NOS1AP: variants seen among roughly 807,000 people sequenced by gnomAD.
The protein encoded by NOS1AP is nitric oxide synthase 1 adaptor protein.
In NOS1AP, 21 loss-of-function variants were observed where a neutral mutation model predicts 56.2. The observed-to-expected ratio is 0.37, with a 90% confidence interval of 0.26 to 0.54. NOS1AP has a LOEUF of 0.54. Among genes scored for constraint, NOS1AP ranks in the 20% least tolerant of loss-of-function variants. NOS1AP has a pLI of 0.84. For missense variants in NOS1AP, 522 were observed against 657.8 expected (o/e 0.79, Z 2.26); for synonymous variants, 270 against 274.6 (o/e 0.98, Z 0.17).
chr1:162,356,448 C>T (rs921972881), intron 7 of NOS1AP, among the ~76,000 whole-genome samples: 1 of 152,194 alleles, frequency 6.6e-6, no homozygotes, highest in African/African-American at 2.4e-5. Context: ...GTAGCCCCCT[C>T]ACATGGCCCC....
chr1:162,070,055 G>C lies in NOS1AP; in HGVS notation c.-123G>C. 1.4e-6 allele frequency: 1 copy of C among 715,590 alleles called. No individual in the cohort carries two copies. The highest frequency in any genetic ancestry group is 1.8e-5 in the South Asian group (1 of 55,606). 44.3% of individuals were successfully genotyped at this position (715,590 alleles called of 1,614,324 possible). On this transcript the variant is annotated 5_prime_UTR_variant, in exon 1 of 10. Coordinates refer to ENST00000361897, the MANE Select transcript of NOS1AP (RefSeq NM_014697.3). ...CCGCCGCGCGGCCAGGGCTCCCCCTGCCCAGCGCTCCCAGGCCCCGCCACG... is the reference window on the plus strand; with the variant it reads ...CCGCCGCGCGGCCAGGGCTCCCCCTCCCCAGCGCTCCCAGGCCCCGCCACG...
rs370737006 is a variant in NOS1AP, at chr1:162,103,312, G to T, written c.105+33030G>T. Among the ~76,000 whole-genome samples, 5 of 146,696 alleles carry T rather than the reference G, an allele frequency of 3.4e-5. No individual in the cohort carries two copies. The East Asian group carries it at 9.9e-4, about 29-fold the overall frequency. On this transcript the variant is annotated intron_variant, in intron 1 of 9. Coordinates refer to ENST00000361897, the MANE Select transcript of NOS1AP (RefSeq NM_014697.3). ...GGTATGAGAGACTGTTATTATTTCAGTTTTTTTTTTGCGTTTGCTGAGGAG... is the reference window on the plus strand; with the variant it reads ...GGTATGAGAGACTGTTATTATTTCATTTTTTTTTTTGCGTTTGCTGAGGAG...
At chr1:162,272,093 T>A (rs891080684) in intron 2 of NOS1AP, among the ~76,000 whole-genome samples, 1 of 151,974 alleles carries the variant, frequency 6.6e-6, no homozygotes, top group African/African-American at 2.4e-5. Flanking sequence ...CCTCAGGCAA[T>A]CCTCCACCTC....
chr1:162,190,078 T>C (rs1651570007), intron 2 of NOS1AP, among the ~76,000 whole-genome samples: 1 of 152,222 alleles, frequency 6.6e-6, no homozygotes, highest in Non-Finnish European at 1.5e-5. Flanking sequence ...AATCCAGGCC[T>C]GTGAATTGAT....
chr1:162,366,479 A>G (rs1000075212), intron 9 of NOS1AP, among the ~76,000 whole-genome samples: 2 of 152,174 alleles, frequency 1.3e-5, no homozygotes, highest in Non-Finnish European at 2.9e-5. Flanking sequence ...TGTTCCAACT[A>G]TACCAGTGGT....
chr1:162,124,153 G>A (rs1487086670), intron 1 of NOS1AP, among the ~76,000 whole-genome samples: 2 of 151,884 alleles, frequency 1.3e-5, no homozygotes, highest in Non-Finnish European at 2.9e-5. Context: ...GTAGCTTTAG[G>A]GGTACAAGTG....
At chr1:162,169,477 C>T (rs1341044634) in intron 2 of NOS1AP, among the ~76,000 whole-genome samples, 1 of 152,198 alleles carries the variant, frequency 6.6e-6, no homozygotes, top group African/African-American at 2.4e-5. Flanking sequence ...GAAATGCATT[C>T]CCATACACCC....
At chr1:162,079,655 C>T (rs1283013254) in intron 1 of NOS1AP, among the ~76,000 whole-genome samples, 6 of 152,142 alleles carry the variant, frequency 3.9e-5, no homozygotes, top group Admixed American at 3.9e-4. Flanking sequence ...TCAGTAGTAC[C>T]TGTAAATGGC....
At chr1:162,364,459 G>A (rs555070748) in intron 8 of NOS1AP, 1 of 985,414 alleles carries the variant, frequency 1.0e-6, no homozygotes, top group African/African-American at 1.7e-5. Flanking sequence ...TTCAAACCAG[G>A]GTCCTGGTCT....
rs1658140112 is a variant in NOS1AP, at chr1:162,367,541, T to C, written c.*74T>C. 3 of 1,463,536 alleles carry C rather than the reference T, an allele frequency of 2.0e-6. No individual in the cohort carries two copies. Among genetic ancestry groups the C allele is most frequent in the African/African-American group, 1.4e-5 (1 of 71,766 alleles). 90.7% of individuals were successfully genotyped at this position (1,463,536 alleles called of 1,614,324 possible). A position where few individuals can be genotyped will look rare whatever the true frequency, so the allele number is the denominator to read the frequency against. On this transcript the variant is annotated 3_prime_UTR_variant, in exon 10 of 10. Coordinates refer to ENST00000361897, the MANE Select transcript of NOS1AP (RefSeq NM_014697.3). The surrounding 1 kb of genome is among the most constrained non-coding windows in gnomAD (Gnocchi z 6.5). ...GTCTGGCTGCTGCCCGGGTAGGGGA[T>C]GCCCAGTGAATGTGCACTGCCGAGG...
At chr1:162,299,741 G>A (rs1655580290) in intron 3 of NOS1AP, among the ~76,000 whole-genome samples, 1 of 152,124 alleles carries the variant, frequency 6.6e-6, no homozygotes, top group Admixed American at 6.5e-5. Context: ...TCAAAATTCA[G>A]GGATTAAATG....
At chr1:162,168,555 C>T (rs2102124686) in intron 2 of NOS1AP, among the ~76,000 whole-genome samples, 1 of 152,320 alleles carries the variant, frequency 6.6e-6, no homozygotes, top group East Asian at 1.9e-4. Flanking sequence ...CAAGGGTTGC[C>T]TGCTCACTTG....
intron 1 of NOS1AP, among the ~76,000 whole-genome samples, chr1:162,093,577 C>T (rs190175932): frequency 2.2e-4 from 34 of 151,576 alleles, no homozygotes; most frequent in South Asian, 1.7e-3. Context: ...TTTTTTTTGC[C>T]GCTATCTCAC....
chr1:162,209,208 C>T (rs1341019158), intron 2 of NOS1AP, among the ~76,000 whole-genome samples: 1 of 152,228 alleles, frequency 6.6e-6, no homozygotes, highest in Non-Finnish European at 1.5e-5. Flanking sequence ...TGGGGAATGA[C>T]TTCCAGAAAT....
At chr1:162,247,848 C>T (rs1041274287) in intron 2 of NOS1AP, among the ~76,000 whole-genome samples, 1 of 152,094 alleles carries the variant, frequency 6.6e-6, no homozygotes, top group Non-Finnish European at 1.5e-5. Context: ...ATCTGATGGC[C>T]TTCATGAGAA....
chr1:162,337,048 C>T (rs1370533271), intron 5 of NOS1AP, among the ~76,000 whole-genome samples: 4 of 152,192 alleles, frequency 2.6e-5, no homozygotes, highest in African/African-American at 7.2e-5. Flanking sequence ...TTTTGCCTCT[C>T]GAGAAGACTC....
At chr1:162,199,741 A>G (rs1220487169) in intron 2 of NOS1AP, among the ~76,000 whole-genome samples, 1 of 152,102 alleles carries the variant, frequency 6.6e-6, no homozygotes, top group Non-Finnish European at 1.5e-5. Context: ...TCTGGGATAC[A>G]ATTTAGTGAA....
At chr1:162,319,721 C>G (rs1218094112) in intron 4 of NOS1AP, among the ~76,000 whole-genome samples, 1 of 152,122 alleles carries the variant, frequency 6.6e-6, no homozygotes, top group South Asian at 2.1e-4. Context: ...CTGAGAGCTC[C>G]TGCCAGATGG....
chr1:162,215,530 A>G (rs1652540750), intron 2 of NOS1AP, among the ~76,000 whole-genome samples: 1 of 152,234 alleles, frequency 6.6e-6, no homozygotes, highest in South Asian at 2.1e-4. Context: ...ATGCTGGGCC[A>G]GGAGACAGTC....
Sources: gnomAD v4.1 joint callset for allele counts (sites outside exome capture counted in the v4.1 genomes callset) on GRCh38, gnomAD v4.1.1 for gene constraint, Gnocchi (gnomAD v3.1) non-coding constraint, MANE v1.5 for transcripts, NCBI Gene and HGNC (gene_info 2026-07-23, HGNC 2026-07-21) for gene names.